CPQ: variants seen among roughly 807,000 people sequenced by gnomAD.
The protein encoded by CPQ is carboxypeptidase Q, also known as Ser-Met dipeptidase.
CPQ carries 37 observed loss-of-function variants against 45.7 expected under a neutral mutation model. The ratio of observed to expected loss-of-function variants is 0.81; its 90% CI spans 0.62 to 1.07. The LOEUF (loss-of-function observed/expected upper bound fraction) is 1.07, where lower values mean the gene tolerates loss of function less well. CPQ is among the 50% of genes least tolerant of loss of function. CPQ has a pLI of 0.00. For synonymous variants in CPQ, 186 were observed against 205.8 expected (o/e 0.90, Z 0.82); for missense variants, 537 against 572.9 (o/e 0.94, Z 0.64).
intron 1 of CPQ, among the ~76,000 whole-genome samples, chr8:96,660,636 G>GGGGTGT (rs111627452): frequency 6.7e-6 from 1 of 149,050 alleles, no homozygotes; most frequent in East Asian, 2.0e-4. Flanking sequence ...GAATACATTT[G>GGGGTGT]GTGTGTGTGT....
chr8:96,780,904 G>A (rs755141213), intron 1 of CPQ, among the ~76,000 whole-genome samples: 38 of 151,868 alleles, frequency 2.5e-4, no homozygotes, highest in East Asian at 1.9e-4. Context: ...TGTGTGTGTC[G>A]GAGAGAGAAA....
At chr8:96,992,720 A>G (rs762492020) in intron 5 of CPQ, among the ~76,000 whole-genome samples, 5 of 152,196 alleles carry the variant, frequency 3.3e-5, no homozygotes, top group African/African-American at 4.8e-5. Context: ...TAAGTATTCA[A>G]TAAAGGAGAG....
intron 1 of CPQ, among the ~76,000 whole-genome samples, chr8:96,779,922 A>C (rs990482526): frequency 6.6e-6 from 1 of 152,178 alleles, no homozygotes; most frequent in African/African-American, 2.4e-5. Context: ...GTTGTAATAA[A>C]AAGGGAAGCA....
intron 7 of CPQ, among the ~76,000 whole-genome samples, chr8:97,116,348 C>T (rs1811593456): frequency 1.3e-5 from 2 of 152,176 alleles, no homozygotes; most frequent in African/African-American, 2.4e-5. Flanking sequence ...CAGCCAGATT[C>T]ATTACCATGG....
chr8:96,826,034 G>A (rs1029011457), intron 2 of CPQ, among the ~76,000 whole-genome samples: 1 of 152,076 alleles, frequency 6.6e-6, no homozygotes, highest in Non-Finnish European at 1.5e-5. Flanking sequence ...TTATTAAAGA[G>A]TATAACATGG....
intron 7 of CPQ, among the ~76,000 whole-genome samples, chr8:97,112,460 G>A (rs1029623694): frequency 2.1e-4 from 32 of 152,200 alleles, no homozygotes; most frequent in African/African-American, 7.7e-4. Flanking sequence ...ATGGCACAGA[G>A]GACATGGGTG....
chr8:96,880,094 A>C, intron 4 of CPQ, 89 bp downstream of exon 4: 1 of 1,126,994 alleles, frequency 8.9e-7, no homozygotes, highest in Non-Finnish European at 1.3e-6. Flanking sequence ...AGAACGTGAA[A>C]CCACCTAGAT....
chr8:97,097,455 C>T (rs776024266), intron 7 of CPQ, among the ~76,000 whole-genome samples: 1 of 152,086 alleles, frequency 6.6e-6, no homozygotes, highest in East Asian at 1.9e-4. Flanking sequence ...TATACATATG[C>T]AAGTACGTAT....
intron 7 of CPQ, among the ~76,000 whole-genome samples, chr8:97,119,133 A>G (rs1811648891): frequency 6.6e-6 from 1 of 152,052 alleles, no homozygotes; most frequent in Non-Finnish European, 1.5e-5. Context: ...GTTAAAGACC[A>G]GCCTGGCCAA....
At chr8:97,065,562 T>A (rs560238697) in intron 6 of CPQ, among the ~76,000 whole-genome samples, 1 of 152,190 alleles carries the variant, frequency 6.6e-6, no homozygotes, top group Non-Finnish European at 1.5e-5. Flanking sequence ...AGATAGAATA[T>A]CCATTTAGAG....
intron 1 of CPQ, among the ~76,000 whole-genome samples, chr8:96,667,101 C>CA (rs56711860): frequency 0.63 from 94,825 of 151,304 alleles, 30,058 homozygotes; most frequent in Non-Finnish European, 0.68. Context: ...ACTTCTCCCA[C>CA]AAAAAAATCT....
intron 1 of CPQ, among the ~76,000 whole-genome samples, chr8:96,729,163 GCTAA>G (rs1351346321): frequency 6.6e-6 from 1 of 152,190 alleles, no homozygotes; most frequent in Non-Finnish European, 1.5e-5. Flanking sequence ...AAGTCTTATA[GCTAA>G]CTGAGATGGG....
At chr8:96,770,896 G>A (rs2130798196) in intron 1 of CPQ, among the ~76,000 whole-genome samples, 1 of 148,766 alleles carries the variant, frequency 6.7e-6, no homozygotes, top group Admixed American at 6.7e-5. Flanking sequence ...AGAAGTGGAT[G>A]TACATTCTAT....
At chr8:97,118,776 T>A (rs1347712123) in intron 7 of CPQ, among the ~76,000 whole-genome samples, 1 of 152,158 alleles carries the variant, frequency 6.6e-6, no homozygotes, top group Non-Finnish European at 1.5e-5. Context: ...TGTATATATG[T>A]TATATATAGG....
chr8:96,867,643 C>A (rs1055207811), intron 3 of CPQ, among the ~76,000 whole-genome samples: 2 of 151,952 alleles, frequency 1.3e-5, no homozygotes, highest in Admixed American at 6.6e-5. Flanking sequence ...TACCTTTCCC[C>A]TATTTTTTAA....
rs201686023 is a variant in CPQ, at chr8:96,645,721, A to ACTTC, written c.-35+321_-35+324dup. Among the ~76,000 whole-genome samples the ACTTC allele has an allele frequency of 4.4e-3, 666 of 151,868 alleles. 5 individuals carry two copies. Among genetic ancestry groups the ACTTC allele is most frequent in the African/African-American group, 0.015 (625 of 41,388 alleles). ...CAGCCGTCCTTCCCAACACGGTTTC[A>ACTTC]CTTCCCCTCAGCTCCAGGGCTCAGC... On this transcript the variant is annotated intron_variant, in intron 1 of 7. Coordinates refer to ENST00000220763, the MANE Select transcript of CPQ (RefSeq NM_016134.4).
At chr8:96,961,681 A>G (rs1813463492) in intron 4 of CPQ, among the ~76,000 whole-genome samples, 1 of 152,188 alleles carries the variant, frequency 6.6e-6, no homozygotes. Flanking sequence ...TTTATTTTCC[A>G]TCTTCCCACC....
chr8:96,951,213 C>G (rs1004932566), intron 4 of CPQ, among the ~76,000 whole-genome samples: 3 of 152,054 alleles, frequency 2.0e-5, no homozygotes, highest in African/African-American at 7.2e-5. Flanking sequence ...TCAATCGTTA[C>G]AGAGATTATG....
chr8:96,967,511 C>G (rs1166575202), intron 5 of CPQ, among the ~76,000 whole-genome samples: 2 of 152,144 alleles, frequency 1.3e-5, no homozygotes, highest in African/African-American at 4.8e-5. Context: ...CCCTAAATCA[C>G]TGTTAATTGA....
Sources: allele counts gnomAD v4.1 joint callset (sites outside exome capture counted in the v4.1 genomes callset), GRCh38; gene constraint gnomAD v4.1.1; transcripts MANE v1.5; gene names NCBI Gene and HGNC (gene_info 2026-07-23, HGNC 2026-07-21).